TMEM245: variants seen among roughly 807,000 people sequenced by gnomAD.
TMEM245 encodes transmembrane protein 245.
TMEM245 carries 69 observed loss-of-function variants against 101.2 expected under a neutral mutation model. The observed-to-expected ratio is 0.68, with a 90% CI of 0.56 to 0.83. TMEM245 has a LOEUF of 0.83. Among genes scored for constraint, TMEM245 ranks in the 40% least tolerant of loss-of-function variants. The pLI is 0.00. For missense variants in TMEM245, 1,075 were observed against 1,092.8 expected (o/e 0.98, Z 0.23); for synonymous variants, 537 against 449.8 (o/e 1.19, Z -2.45).
intron 7 of TMEM245, 113 bp downstream of exon 7, chr9:109,085,877 ATTAAAAC>A: frequency 9.0e-7 from 1 of 1,113,734 alleles, no homozygotes; most frequent in Non-Finnish European, 1.3e-6. Context: ...ATAGCTTATA[ATTAAAAC>A]TTTGAAAACA....
intron 9 of TMEM245, among the ~76,000 whole-genome samples, chr9:109,071,463 G>A (rs1829330740): frequency 6.6e-6 from 1 of 151,832 alleles, no homozygotes; most frequent in Non-Finnish European, 1.5e-5. Context: ...AATTAGCCGA[G>A]TATAGTGGCT....
chr9:109,083,901 C>CAAAAAAAAAAA (rs751739620), intron 7 of TMEM245, among the ~76,000 whole-genome samples: 783 of 34,452 alleles, frequency 0.023, 241 homozygotes, highest in Non-Finnish European at 0.028. Flanking sequence ...ACTAAAAATA[C>CAAAAAAAAAAA]AAAAAAAAAA....
rs1340527082 is a variant in TMEM245 at position 109,119,653 on chromosome 9, G to T, written c.261C>A (p.Ala87=). The T allele has an allele frequency of 2.6e-6, 4 of 1,557,672 alleles. No individual in the cohort carries two copies. The South Asian group carries it at 3.5e-5, about 14-fold the overall frequency. ...LEAFLRPLLW[A]VLCGTFLHPF... Reference sequence around the variant, plus strand: ...GGTGCAGAAAAGTGCCGCATAGCACGGCCCAGAGCAGCGGCCGCAGGAAGG... The same window carrying T: ...GGTGCAGAAAAGTGCCGCATAGCACTGCCCAGAGCAGCGGCCGCAGGAAGG... Residue 87 remains alanine (A), a synonymous_variant, in exon 1 of 18, where the codon GCC becomes GCA. Coordinates refer to ENST00000374586, the MANE Select transcript of TMEM245 (RefSeq NM_032012.4).
At chr9:109,061,518 A>G (rs1050642993) in intron 10 of TMEM245, among the ~76,000 whole-genome samples, 1 of 152,094 alleles carries the variant, frequency 6.6e-6, no homozygotes, top group Non-Finnish European at 1.5e-5. Flanking sequence ...ATATTAATTC[A>G]TTACGTTCTG....
intron 17 of TMEM245, among the ~76,000 whole-genome samples, chr9:109,024,125 T>C (rs1827723946): frequency 6.6e-6 from 1 of 152,214 alleles, no homozygotes; most frequent in African/African-American, 2.4e-5. Flanking sequence ...TCCAGCCTCC[T>C]AGACAGGCAG....
At chr9:109,092,688 C>T (rs957081189) in intron 4 of TMEM245, among the ~76,000 whole-genome samples, 6 of 152,226 alleles carry the variant, frequency 3.9e-5, no homozygotes, top group African/African-American at 1.4e-4. Flanking sequence ...GGAGAATTCA[C>T]TCTAAATATT....
At chr9:109,114,020 G>A (rs972043895) in intron 1 of TMEM245, among the ~76,000 whole-genome samples, 2 of 152,160 alleles carry the variant, frequency 1.3e-5, no homozygotes, top group African/African-American at 2.4e-5. Flanking sequence ...AGGTTGCGGT[G>A]AGCCGAGAAC....
At chr9:109,063,213 G>A (rs1361838406) in intron 10 of TMEM245, among the ~76,000 whole-genome samples, 3 of 148,572 alleles carry the variant, frequency 2.0e-5, no homozygotes, top group Middle Eastern at 6.8e-3. Flanking sequence ...TCTGCCTCCC[G>A]AGTTCAAGTG....
intron 3 of TMEM245, among the ~76,000 whole-genome samples, chr9:109,096,878 A>G (rs1251252312): frequency 6.6e-6 from 1 of 152,242 alleles, no homozygotes; most frequent in South Asian, 2.1e-4. Flanking sequence ...TAGCTCTTCA[A>G]ATAATGGACT....
chr9:109,062,097 C>T (rs916036861), intron 10 of TMEM245, among the ~76,000 whole-genome samples: 2 of 152,132 alleles, frequency 1.3e-5, no homozygotes, highest in African/African-American at 4.8e-5. Context: ...CTGGACCTCC[C>T]AGACTCAAGC....
At chr9:109,102,075 GT>G (rs1378513117) in intron 3 of TMEM245, among the ~76,000 whole-genome samples, 1 of 152,162 alleles carries the variant, frequency 6.6e-6, no homozygotes, top group African/African-American at 2.4e-5. Flanking sequence ...TTGCCATTAG[GT>G]GAAAGAAAAC....
rs1828637767 is a variant in TMEM245, at chr9:109,050,373, T to A, written c.2033A>T (p.Lys678Met). 1 of 1,614,134 alleles carries A rather than the reference T, an allele frequency of 6.2e-7. No homozygotes were observed. The highest frequency in any genetic ancestry group is 8.5e-7 in the Non-Finnish European group (1 of 1,180,022). The change falls in exon 14 of 18, where the codon AAG (lysine) becomes ATG (methionine). Residue 678 changes from lysine (K) to methionine (M), a missense_variant. Transcript: ENST00000374586. Reference sequence around the variant, plus strand: ...CAGGCTTATCACCCACTTCACTGGCTTGTAGTACTCATCACTGGAACTTAA... The same window carrying A: ...CAGGCTTATCACCCACTTCACTGGCATGTAGTACTCATCACTGGAACTTAA... ...YLLSSSDEYY[K>M]PVKWVISLTP...
chr9:109,066,401 G>A (rs1242583660), intron 9 of TMEM245, among the ~76,000 whole-genome samples: 6 of 123,380 alleles, frequency 4.9e-5, no homozygotes, highest in Non-Finnish European at 6.3e-5. Flanking sequence ...GTTGCAATGA[G>A]CCAAGATCAT....
In TMEM245 at chr9:109,075,366, T is replaced by C. The variant is rs140287932; in HGVS notation, c.1450-1928A>G. Among the ~76,000 whole-genome samples the C allele has an allele frequency of 4.2e-3, 647 of 152,338 alleles. 1 individual carries two copies. The highest frequency in any genetic ancestry group is 7.1e-3 in the Non-Finnish European group (481 of 68,032). On this transcript the variant is annotated intron_variant, in intron 8 of 17. Coordinates refer to ENST00000374586, the MANE Select transcript of TMEM245 (RefSeq NM_032012.4). ...GCCTTTGACTTTGGTATCTGGGCAA[T>C]ACTAGCCTCATAAAATGAGCTGACA... is the stretch of plus-strand genomic sequence containing the variant.
In TMEM245 at chr9:109,119,578, CAG is replaced by C; in HGVS notation, c.334_335del (p.Leu112AlafsTer102). Reference sequence around the variant, plus strand: ...GGACGATGGGCGTGTGCGCGCGGTGCAGGCGCTGCAGCCAGTGGCGGCCCAGG... The same window carrying C: ...GGACGATGGGCGTGTGCGCGCGGTGCGCGCTGCAGCCAGTGGCGGCCCAGG... ...TRLGRHWLQR[L>X]HRAHTPIVLA... On this transcript the variant is annotated frameshift_variant, in exon 1 of 18. Coordinates refer to ENST00000374586, the MANE Select transcript of TMEM245 (RefSeq NM_032012.4). LOFTEE classifies it high-confidence loss of function. 6.5e-7 allele frequency: 1 copy of C among 1,544,998 alleles called. No individual in the cohort carries two copies.
At position 109,119,341 on chromosome 9, in the gene TMEM245, G is replaced by C; in HGVS notation, c.573C>G (p.Ser191Arg). 6.5e-7 allele frequency: 1 copy of C among 1,530,254 alleles called. No homozygotes were observed. The highest frequency in any genetic ancestry group is 1.2e-5 in the South Asian group (1 of 83,592). 94.8% of individuals were successfully genotyped at this position (1,530,254 alleles called of 1,614,324 possible). A position where few individuals can be genotyped will look rare whatever the true frequency, so the allele number is the denominator to read the frequency against. ...CGGACTGCCGCTCACTCACCCACAGGCTGCTGAAGTAGTCCAGCCCGCGGC... is the reference window on the plus strand; with the variant it reads ...CGGACTGCCGCTCACTCACCCACAGCCTGCTGAAGTAGTCCAGCCCGCGGC... ...LICRGLDYFS[S>R]LWIWTLVVGY... The change falls in exon 1 of 18, where the codon AGC becomes AGG. Residue 191 changes from serine (S) to arginine (R), a missense_variant. Transcript: ENST00000374586.
Position 109,064,586 on chromosome 9 carries a change from A to G in TMEM245, c.1533-19T>C. On this transcript the variant is annotated intron_variant, in intron 9 of 17. Transcript: ENST00000374586. ...AAGCCAACTAATGTAAAACAAAGAA[A>G]AAAATGAAAAAAGTACACTTTCTGT... The G allele has an allele frequency of 1.2e-6, 2 of 1,606,224 alleles. No homozygotes were observed. Among genetic ancestry groups the G allele is most frequent in the Non-Finnish European group, 1.7e-6 (2 of 1,175,408 alleles).
intron 1 of TMEM245, among the ~76,000 whole-genome samples, 190 bp from the exon 2 acceptor site, chr9:109,108,760 GCATTTGA>G (rs1830495340): frequency 6.6e-6 from 1 of 152,072 alleles, no homozygotes; most frequent in African/African-American, 2.4e-5. Context: ...GAAATACTAG[GCATTTGA>G]AATCTCATGT....
intron 17 of TMEM245, among the ~76,000 whole-genome samples, chr9:109,025,881 T>G (rs1173551503): frequency 2.0e-5 from 3 of 152,232 alleles, no homozygotes; most frequent in Admixed American, 1.3e-4. Flanking sequence ...ATTCTCACTA[T>G]CAACAGTGAG....
Sources: allele counts gnomAD v4.1 joint callset (sites outside exome capture counted in the v4.1 genomes callset), GRCh38; gene constraint gnomAD v4.1.1; transcripts MANE v1.5; gene names NCBI Gene and HGNC (gene_info 2026-07-23, HGNC 2026-07-21).